The following SNX29 variants were observed in gnomAD, a reference collection of about 807,000 sequenced individuals.
SNX29 encodes the protein sorting nexin 29.
SNX29 carries 78 observed loss-of-function variants against 102.1 expected under a neutral mutation model. The observed-to-expected ratio is 0.76, with a 90% CI of 0.64 to 0.92. The LOEUF (loss-of-function observed/expected upper bound fraction) is 0.92. Among genes scored for constraint, SNX29 ranks in the 40% least tolerant of loss-of-function variants. SNX29 has a pLI of 0.00. For missense variants in SNX29, 1,280 were observed against 1,061.7 expected, an observed-to-expected ratio of 1.21 and a Z score of -2.86; for synonymous variants, 580 against 414.5, an observed-to-expected ratio of 1.40 and a Z score of -4.85.
chr16:12,258,055 C>T (rs896071121), intron 14 of SNX29, among the ~76,000 whole-genome samples: 3 of 152,204 alleles, frequency 2.0e-5, no homozygotes, highest in Admixed American at 2.0e-4. Flanking sequence ...AGCTGGTCAC[C>T]TGCTTTCCAT....
At chr16:12,148,000 G>C (rs1367034580) in intron 13 of SNX29, among the ~76,000 whole-genome samples, 1 of 152,220 alleles carries the variant, frequency 6.6e-6, no homozygotes, top group Admixed American at 6.5e-5. Context: ...GCTAGTGACT[G>C]AGCAAACCAG....
chr16:12,045,044 T>A (rs2050031024), intron 5 of SNX29, among the ~76,000 whole-genome samples: 1 of 152,160 alleles, frequency 6.6e-6, no homozygotes, highest in African/African-American at 2.4e-5. Context: ...ACCAGCCACT[T>A]CCCCAGCTGG....
At chr16:12,499,853 T>G (rs1014075728) in intron 19 of SNX29, among the ~76,000 whole-genome samples, 15 of 152,108 alleles carry the variant, frequency 9.9e-5, no homozygotes, top group African/African-American at 3.4e-4. Context: ...TTTTTGTATT[T>G]TTTTGTAGAG....
intron 18 of SNX29, among the ~76,000 whole-genome samples, chr16:12,477,061 C>T (rs1448314072): frequency 1.3e-5 from 2 of 152,158 alleles, no homozygotes; most frequent in East Asian, 3.9e-4. Flanking sequence ...GGTGCTAAGG[C>T]CTGCAAAAAG....
chr16:12,430,302 G>C (rs578123293), intron 18 of SNX29, among the ~76,000 whole-genome samples: 2 of 152,306 alleles, frequency 1.3e-5, no homozygotes, highest in African/African-American at 4.8e-5. Context: ...CTGCACAGTG[G>C]GGGCAATGCC....
Position 12,199,788 on chromosome 16 carries a change from T to C in SNX29, c.1678+105T>C, listed in dbSNP as rs995444124. 4 of 919,466 alleles carry C rather than the reference T, an allele frequency of 4.4e-6. No homozygotes were observed. The African/African-American group carries it at 5.0e-5, about 12-fold the overall frequency. The allele number at this position is 919,466 out of a possible 1,614,324, so 57.0% of individuals were successfully genotyped here. ...AATGTGTGACGAGTGCATATGTGGATGGATTAGAATAATGGTGCTGCTCAG... is the reference window on the plus strand; with the variant it reads ...AATGTGTGACGAGTGCATATGTGGACGGATTAGAATAATGGTGCTGCTCAG... On this transcript the variant is annotated intron_variant, in intron 14 of 20. Transcript: ENST00000566228.
chr16:12,088,286 G>T (rs778003044), intron 11 of SNX29: 2 of 361,840 alleles, frequency 5.5e-6, no homozygotes, highest in Non-Finnish European at 1.1e-5. Flanking sequence ...AGCAGGGGCG[G>T]GTGTTGGGTG....
intron 16 of SNX29, among the ~76,000 whole-genome samples, chr16:12,392,744 A>G (rs538883742): frequency 6.6e-6 from 1 of 152,380 alleles, no homozygotes; most frequent in Admixed American, 6.5e-5. Context: ...AGCTGTTTTT[A>G]AAAACCACAG....
chr16:11,984,032 C>G (rs2055497576), intron 1 of SNX29, among the ~76,000 whole-genome samples: 1 of 152,068 alleles, frequency 6.6e-6, no homozygotes, highest in Non-Finnish European at 1.5e-5. Context: ...AAAAAAGTGT[C>G]TAAAAAGTGT....
intron 20 of SNX29, among the ~76,000 whole-genome samples, chr16:12,534,988 G>T (rs983109241): frequency 1.3e-5 from 2 of 152,196 alleles, no homozygotes; most frequent in African/African-American, 4.8e-5. Context: ...TTAGTGTGAA[G>T]GTTGAGAAGC....
At chr16:12,322,217 G>A (rs2080962868) in intron 15 of SNX29, among the ~76,000 whole-genome samples, 1 of 152,188 alleles carries the variant, frequency 6.6e-6, no homozygotes, top group Non-Finnish European at 1.5e-5. Context: ...AGTGATGGGA[G>A]TGGGGAGAAC....
chr16:12,233,391 T>G (rs2077829060), intron 14 of SNX29, among the ~76,000 whole-genome samples: 1 of 152,098 alleles, frequency 6.6e-6, no homozygotes, highest in Non-Finnish European at 1.5e-5. Flanking sequence ...AAACAGTGGG[T>G]ACTCCTGGAC....
chr16:12,415,597 G>A (rs933133050), intron 18 of SNX29, among the ~76,000 whole-genome samples: 23 of 152,170 alleles, frequency 1.5e-4, no homozygotes, highest in African/African-American at 5.3e-4. Context: ...CAGGCCCAGC[G>A]TCTGCCTCCG....
intron 20 of SNX29, among the ~76,000 whole-genome samples, chr16:12,548,586 C>T (rs1474846069): frequency 1.3e-5 from 2 of 152,178 alleles, no homozygotes; most frequent in Non-Finnish European, 2.9e-5. Flanking sequence ...CTGTAAGTCC[C>T]ACTCCAGGCC....
intron 20 of SNX29, among the ~76,000 whole-genome samples, chr16:12,560,241 C>G (rs1456473729): frequency 2.0e-5 from 3 of 149,716 alleles, no homozygotes; most frequent in Non-Finnish European, 4.4e-5. Context: ...AGAAGAAAAG[C>G]CTGAAGCTTA....
intron 16 of SNX29, chr16:12,372,735 G>A (rs1039760169): frequency 6.6e-6 from 1 of 152,200 alleles, no homozygotes; most frequent in African/African-American, 2.4e-5. Context: ...TTAAGGATGA[G>A]TTGAAGTTGA....
chr16:12,566,277 GCAGGACTGGACAGAGA>G (rs1394822936), intron 20 of SNX29, among the ~76,000 whole-genome samples: 1 of 152,200 alleles, frequency 6.6e-6, no homozygotes, highest in Non-Finnish European at 1.5e-5. Flanking sequence ...ACTGCCCACA[GCAGGACTGGACAGAGA>G]CACGTGCCTC....
intron 15 of SNX29, among the ~76,000 whole-genome samples, chr16:12,320,489 G>A (rs1250395772): frequency 6.6e-6 from 1 of 152,224 alleles, no homozygotes; most frequent in Admixed American, 6.5e-5. Flanking sequence ...GGAAGCAGAG[G>A]TCAGAGGCTG....
intron 1 of SNX29, among the ~76,000 whole-genome samples, chr16:11,998,721 C>G (rs1365084106): frequency 6.6e-6 from 1 of 152,186 alleles, no homozygotes; most frequent in Non-Finnish European, 1.5e-5. Context: ...TTGGGAGCCA[C>G]TTCTGCTTTC....
Sources: allele counts gnomAD v4.1 joint callset (sites outside exome capture counted in the v4.1 genomes callset), GRCh38; gene constraint gnomAD v4.1.1; transcripts MANE v1.5; gene names NCBI Gene and HGNC (gene_info 2026-07-23, HGNC 2026-07-21).